Variants in P2RY12 observed in about 807,000 individuals in gnomAD.
P2RY12 encodes the protein P2Y purinoceptor 12.
A neutral mutation model predicts 4.5 loss-of-function variants in P2RY12; 3 were observed. That is an observed-to-expected ratio of 0.67 (90% CI 0.31 to 1.74). The LOEUF (loss-of-function observed/expected upper bound fraction) is 1.74, where lower values mean the gene tolerates loss of function less well. Among genes scored for constraint, P2RY12 ranks in the 40% most tolerant of loss-of-function variants. P2RY12 has a pLI of 0.09. For synonymous variants in P2RY12, 148 were observed against 154.1 expected (o/e 0.96, Z 0.29); for missense variants, 356 against 407.8 (o/e 0.87, Z 1.09).
chr3:151,380,600 A>G (rs1449631827), intron 1 of P2RY12, among the ~76,000 whole-genome samples: 7 of 52,968 alleles, frequency 1.3e-4, no homozygotes, highest in African/African-American at 5.5e-4. Context: ...TCTGTCTCAA[A>G]AAAAAAAAAA....
At chr3:151,381,536 A>G (rs1712342088) in intron 1 of P2RY12, among the ~76,000 whole-genome samples, 1 of 152,180 alleles carries the variant, frequency 6.6e-6, no homozygotes, top group African/African-American at 2.4e-5. Context: ...GTGCCTGTGC[A>G]TCTTTTCTTC....
At chr3:151,365,792 A>G (rs1396631562) in intron 1 of P2RY12, 1 of 1,422,662 alleles carries the variant, frequency 7.0e-7, no homozygotes, top group Non-Finnish European at 9.5e-7. Flanking sequence ...AGTATATCAC[A>G]GGTGAGTATT....
intron 1 of P2RY12, among the ~76,000 whole-genome samples, chr3:151,345,379 G>A (rs116644456): frequency 0.019 from 2,873 of 152,160 alleles, 122 homozygotes; most frequent in African/African-American, 0.066. Flanking sequence ...ACTTGAGGGC[G>A]TTTAAACACC....
rs1046276550 is a variant in P2RY12 at position 151,367,559 on chromosome 3, G to T, written c.-180+17133C>A. 22 of 1,214,330 alleles carry T rather than the reference G, an allele frequency of 1.8e-5. No homozygotes were observed. In the African/African-American group the frequency reaches 2.9e-4, roughly 16 times the overall value. The allele number at this position is 1,214,330 out of a possible 1,614,324, so 75.2% of individuals were successfully genotyped here. On this transcript the variant is annotated intron_variant, in intron 1 of 2. Transcript: ENST00000302632. ...CATGTTGGGATTTGAGATCTTATTG[G>T]TATTGCCTGCATTCTCTTAGTTATT... is the stretch of plus-strand genomic sequence containing the variant.
At chr3:151,358,210 T>C (rs1034146383) in intron 1 of P2RY12, among the ~76,000 whole-genome samples, 2 of 152,194 alleles carry the variant, frequency 1.3e-5, no homozygotes, top group African/African-American at 4.8e-5. Context: ...GCTACCTTTA[T>C]TTGTATTAAT....
chr3:151,357,726 T>A lies in P2RY12; in HGVS notation c.-179-16966A>T, dbSNP rs111479245. Among the ~76,000 whole-genome samples, 1,023 of 152,326 alleles carry A rather than the reference T, an allele frequency of 6.7e-3. 8 individuals carry two copies. The highest frequency in any genetic ancestry group is 0.023 in the South Asian group (111 of 4,826). On this transcript the variant is annotated intron_variant, in intron 1 of 2. Coordinates refer to ENST00000302632, the MANE Select transcript of P2RY12 (RefSeq NM_022788.5). ...ACTTCTTTATTCATGTAATTTCAGTTTATGTTTGCAGACTCAACATCAAAT... is the reference window on the plus strand; with the variant it reads ...ACTTCTTTATTCATGTAATTTCAGTATATGTTTGCAGACTCAACATCAAAT...
chr3:151,359,974 T>C (rs1352252201), intron 1 of P2RY12, among the ~76,000 whole-genome samples: 3 of 152,250 alleles, frequency 2.0e-5, no homozygotes, highest in African/African-American at 7.2e-5. Context: ...TTGGTATACA[T>C]AGGGGAATGT....
At position 151,368,338 on chromosome 3, in the gene P2RY12, T is replaced by C. The variant is rs1041055731; in HGVS notation, c.-180+16354A>G. 5.9e-6 allele frequency: 7 copies of C among 1,179,942 alleles called. No individual in the cohort carries two copies. The African/African-American group carries it at 6.1e-5, about 10-fold the overall frequency. The allele number at this position is 1,179,942 out of a possible 1,614,324, so 73.1% of individuals were successfully genotyped here. A position where few individuals can be genotyped will look rare whatever the true frequency, so the allele number is the denominator to read the frequency against. On this transcript the variant is annotated intron_variant, in intron 1 of 2. Transcript: ENST00000302632. ...CCAAATAGGCTGTCCCTTTCTGTAA[T>C]TGCCTTCTTAATTTTTTGGGCATGC...
chr3:151,379,903 C>T (rs924882451), intron 1 of P2RY12, among the ~76,000 whole-genome samples: 4 of 152,042 alleles, frequency 2.6e-5, no homozygotes, highest in African/African-American at 7.3e-5. Flanking sequence ...AGAATGGCTT[C>T]GAGGGCAATT....
At chr3:151,381,580 G>A (rs1254972496) in intron 1 of P2RY12, among the ~76,000 whole-genome samples, 5 of 152,152 alleles carry the variant, frequency 3.3e-5, no homozygotes, top group Non-Finnish European at 5.9e-5. Context: ...CCAGAGATTA[G>A]CATGGCCTGC....
chr3:151,366,113 T>G, intron 1 of P2RY12: 2 of 873,660 alleles, frequency 2.3e-6, no homozygotes, highest in South Asian at 6.9e-5. Flanking sequence ...ATATTTTTTC[T>G]TTCTCTGTCC....
At chr3:151,343,615 A>G (rs1205516798) in intron 1 of P2RY12, among the ~76,000 whole-genome samples, 1 of 148,854 alleles carries the variant, frequency 6.7e-6, no homozygotes, top group African/African-American at 2.5e-5. Flanking sequence ...ATCTCTCATT[A>G]GTAAATAACA....
At chr3:151,361,430 G>GA (rs34328280) in intron 1 of P2RY12, among the ~76,000 whole-genome samples, 110,046 of 151,674 alleles carry the variant, frequency 0.73, 40,301 homozygotes, top group South Asian at 0.83. Flanking sequence ...TTCCTGGTAT[G>GA]AAAAAAATAG....
intron 1 of P2RY12, chr3:151,378,252 TC>T: frequency 1.5e-6 from 2 of 1,356,282 alleles, no homozygotes; most frequent in Non-Finnish European, 2.0e-6. Context: ...ACCTGTGTGG[TC>T]ACTGTACCCA....
Position 151,337,576 on chromosome 3 carries a change from T to C in P2RY12, c.*241A>G. ...ATTCTGTGTAGTTTTGCATGCAGCATGACAATTGGATGTCGTTTGTTTTGC... is the reference window on the plus strand; with the variant it reads ...ATTCTGTGTAGTTTTGCATGCAGCACGACAATTGGATGTCGTTTGTTTTGC... On this transcript the variant is annotated 3_prime_UTR_variant, in exon 3 of 3. Transcript: ENST00000302632. 2.1e-6 allele frequency: 1 copy of C among 480,752 alleles called. No individual in the cohort carries two copies. The highest frequency in any genetic ancestry group is 3.7e-6 in the Non-Finnish European group (1 of 272,436). 29.8% of individuals were successfully genotyped at this position (480,752 alleles called of 1,614,324 possible). A position where few individuals can be genotyped will look rare whatever the true frequency, so the allele number is the denominator to read the frequency against.
At chr3:151,341,190 T>G (rs1290079827) in intron 1 of P2RY12, among the ~76,000 whole-genome samples, 1 of 152,162 alleles carries the variant, frequency 6.6e-6, no homozygotes, top group Admixed American at 6.6e-5. Context: ...TGGCTAGGGA[T>G]GTTAAGTCTC....
chr3:151,376,731 C>A, intron 1 of P2RY12: 1 of 1,255,012 alleles, frequency 8.0e-7, no homozygotes, highest in Non-Finnish European at 1.2e-6. Context: ...AGAAGGAGTA[C>A]TGTAAGAAAT....
chr3:151,352,994 G>A (rs182480965), intron 1 of P2RY12, among the ~76,000 whole-genome samples: 83 of 152,212 alleles, frequency 5.5e-4, no homozygotes, highest in Non-Finnish European at 7.6e-4. Context: ...AAAGTATTTC[G>A]TTGAGAATCA....
intron 1 of P2RY12, chr3:151,357,504 A>G: frequency 1.3e-6 from 1 of 781,460 alleles, no homozygotes; most frequent in Non-Finnish European, 1.9e-6. Context: ...GTTAAAGAAC[A>G]CTCTTGCCAG....
Sources: allele counts gnomAD v4.1 joint callset (sites outside exome capture counted in the v4.1 genomes callset), GRCh38; gene constraint gnomAD v4.1.1; transcripts MANE v1.5; gene names NCBI Gene and HGNC (gene_info 2026-07-23, HGNC 2026-07-21).